SLC12A7: variants seen among roughly 807,000 people sequenced by gnomAD.
The protein encoded by SLC12A7 is K-Cl cotransporter 4.
SLC12A7 carries 100 observed loss-of-function variants against 120.6 expected under a neutral mutation model. The observed-to-expected ratio is 0.83, with a 90% confidence interval of 0.71 to 0.98. The LOEUF (loss-of-function observed/expected upper bound fraction) is 0.98, where lower values mean the gene tolerates loss of function less well. Among genes scored for constraint, SLC12A7 ranks in the 50% least tolerant of loss-of-function variants. The pLI, the probability that SLC12A7 is intolerant of heterozygous loss-of-function variation, is 0.00. For missense variants in SLC12A7, 1,373 were observed against 1,548.1 expected (o/e 0.89, Z 1.90); for synonymous variants, 760 against 678.0 (o/e 1.12, Z -1.88).
chr5:1,063,806 T>C (rs1294176875), intron 20 of SLC12A7, 38 bp downstream of exon 20: 6 of 101,712 alleles, frequency 5.9e-5, no homozygotes, highest in South Asian at 4.0e-4. Context: ...CCTCCCCACC[T>C]CCCCCCGGCC....
Position 1,060,792 on chromosome 5 carries a change from C to T in SLC12A7, c.2740-341G>A, listed in dbSNP as rs114431205. Among the ~76,000 whole-genome samples, 987 of 152,330 alleles carry T rather than the reference C, an allele frequency of 6.5e-3. 14 individuals carry two copies. The highest frequency in any genetic ancestry group is 0.022 in the African/African-American group (927 of 41,574). ...CTGCCCCATGGGGCTGCATGATCCACGCTCACAGGTGTCATTGTCTATGCT... is the reference window on the plus strand; with the variant it reads ...CTGCCCCATGGGGCTGCATGATCCATGCTCACAGGTGTCATTGTCTATGCT... On this transcript the variant is annotated intron_variant, in intron 20 of 23. Coordinates refer to ENST00000264930, the MANE Select transcript of SLC12A7 (RefSeq NM_006598.3).
At chr5:1,103,851 G>T (rs924253657) in intron 1 of SLC12A7, among the ~76,000 whole-genome samples, 1 of 152,220 alleles carries the variant, frequency 6.6e-6, no homozygotes, top group African/African-American at 2.4e-5. Context: ...CCTCTGTCAC[G>T]TGGCTGTTTG....
chr5:1,060,264 G>A lies in SLC12A7; in HGVS notation c.2847+80C>T, dbSNP rs35661060. 0.46 allele frequency: 494,825 copies of A among 1,084,218 alleles called. 116,929 individuals are homozygous for A. Among genetic ancestry groups the A allele is most frequent in the Non-Finnish European group, 0.49 (350,488 of 708,494 alleles). 67.2% of individuals were successfully genotyped at this position (1,084,218 alleles called of 1,614,324 possible). ...CTCTGGAGGACCCTCGTGGGCTGCA[G>A]GAGGGTCCCAGAAAAGACTCGGCGA... On this transcript the variant is annotated intron_variant, in intron 21 of 23. Transcript: ENST00000264930.
intron 17 of SLC12A7, among the ~76,000 whole-genome samples, chr5:1,066,372 C>G (rs941511833): frequency 6.6e-6 from 1 of 152,182 alleles, no homozygotes; most frequent in Admixed American, 6.5e-5. Context: ...GATTTGGGAG[C>G]TCCGAGCAAT....
Position 1,073,273 on chromosome 5 carries a change from C to G in SLC12A7, c.2241+360G>C, listed in dbSNP as rs565595808. On this transcript the variant is annotated intron_variant, in intron 17 of 23. Coordinates refer to ENST00000264930, the MANE Select transcript of SLC12A7 (RefSeq NM_006598.3). ...ACACTTATGCAGCCCCCAGTGAGCC[C>G]CCAGCACACGGGCATCACACTTATG... is the stretch of plus-strand genomic sequence containing the variant. Among the ~76,000 whole-genome samples, 52 of 136,894 alleles carry G rather than the reference C, an allele frequency of 3.8e-4. 3 individuals are homozygous for G. The highest frequency in any genetic ancestry group is 1.5e-3 in the African/African-American group (45 of 30,012). The allele number at this position is 136,894 out of a possible 152,430, so 89.8% of individuals were successfully genotyped here. A position where few individuals can be genotyped will look rare whatever the true frequency, so the allele number is the denominator to read the frequency against.
chr5:1,081,755 A>C lies in SLC12A7; in HGVS notation c.1130-11T>G. The C allele has an allele frequency of 6.2e-7, 1 of 1,607,120 alleles. No homozygotes were observed. Among genetic ancestry groups the C allele is most frequent in the Non-Finnish European group, 8.5e-7 (1 of 1,175,422 alleles). On this transcript the variant is annotated splice_polypyrimidine_tract_variant and intron_variant, in intron 8 of 23. Coordinates refer to ENST00000264930, the MANE Select transcript of SLC12A7 (RefSeq NM_006598.3). The stretch of plus-strand genomic sequence containing the variant: ...TACTCCACAGGTTCTCTGCCGGGCA[A>C]GGAAGATCCCATGGGTTTCTGGCAC...
the SLC12A7 span, among the ~76,000 whole-genome samples, chr5:1,129,007 C>T: frequency 3.0e-4 from 46 of 152,336 alleles, no homozygotes; most frequent in African/African-American, 3.8e-4. Context: ...CAAGCATACC[C>T]CGCTGCCCCT....
the SLC12A7 span, among the ~76,000 whole-genome samples, chr5:1,140,395 C>G: frequency 3.9e-5 from 6 of 152,342 alleles, no homozygotes; most frequent in East Asian, 5.8e-4. Context: ...TCTGTTCCCC[C>G]CCACCGGGTC....
At chr5:1,069,737 G>A (rs1737449414) in intron 17 of SLC12A7, among the ~76,000 whole-genome samples, 1 of 152,182 alleles carries the variant, frequency 6.6e-6, no homozygotes, top group Admixed American at 6.5e-5. Context: ...GACGTGACGT[G>A]ACGTGATGGG....
intron 2 of SLC12A7, 37 bp from the exon 3 acceptor site, chr5:1,093,692 C>G (rs775433947): frequency 6.2e-7 from 1 of 1,606,926 alleles, no homozygotes; most frequent in Non-Finnish European, 8.5e-7. Flanking sequence ...CGGCCCGCAC[C>G]TCGCCGTGGG....
chr5:1,063,411 C>T (rs543039040), intron 20 of SLC12A7, among the ~76,000 whole-genome samples: 8 of 152,258 alleles, frequency 5.3e-5, no homozygotes, highest in South Asian at 2.1e-4. Context: ...GGTCCCGGGC[C>T]GAGGAGGACA....
intron 21 of SLC12A7, among the ~76,000 whole-genome samples, chr5:1,058,796 C>T (rs1299205092): frequency 6.6e-6 from 1 of 152,184 alleles, no homozygotes; most frequent in African/African-American, 2.4e-5. Flanking sequence ...GGGCTGCCCG[C>T]TCTCGGCAGA....
chr5:1,056,307 C>A (rs1205826167), intron 22 of SLC12A7, among the ~76,000 whole-genome samples: 3 of 152,224 alleles, frequency 2.0e-5, no homozygotes, highest in African/African-American at 7.2e-5. Context: ...GCTCGGACAC[C>A]TCCCAGGTCT....
Position 1,057,824 on chromosome 5 carries a change from C to T in SLC12A7, c.2848-175G>A, listed in dbSNP as rs192108180. On this transcript the variant is annotated intron_variant, in intron 21 of 23. Coordinates refer to ENST00000264930, the MANE Select transcript of SLC12A7 (RefSeq NM_006598.3). ...TGGTCCTGCGCCGCCCCCGTGACTG[C>T]CTCCCTCCTCCCAGGCTTCCCGACC... Among the ~76,000 whole-genome samples, 1,121 of 152,270 alleles carry T rather than the reference C, an allele frequency of 7.4e-3. 13 individuals carry two copies. The highest frequency in any genetic ancestry group is 0.026 in the African/African-American group (1,062 of 41,552).
In SLC12A7 at chr5:1,073,785, TC is replaced by T; in HGVS notation, c.2088del (p.Met697CysfsTer2). The T allele has an allele frequency of 6.9e-7, 1 of 1,444,350 alleles. No homozygotes were observed. The highest frequency in any genetic ancestry group is 9.1e-7 in the Non-Finnish European group (1 of 1,093,188). The allele number at this position is 1,444,350 out of a possible 1,614,324, so 89.5% of individuals were successfully genotyped here. A position where few individuals can be genotyped will look rare whatever the true frequency, so the allele number is the denominator to read the frequency against. On this transcript the variant is annotated frameshift_variant, in exon 17 of 24. Transcript: ENST00000264930. LOFTEE classifies it high-confidence loss of function. Reference protein sequence around the residue: ...HTKNWRPQVLVMLNLDAEQAV... With the variant: ...HTKNWRPQVLXMLNLDAEQAV... ...GCCTGCTCCGCGTCCAGGTTCAGCA[TC>T]ACCAGCACCTGGGGCCTGCAGCCAG...
At chr5:1,086,593 A>G (rs1739880640) in intron 6 of SLC12A7, among the ~76,000 whole-genome samples, 1 of 152,224 alleles carries the variant, frequency 6.6e-6, no homozygotes, top group Non-Finnish European at 1.5e-5. Context: ...CCTGCTCCTA[A>G]AACAGCTCCG....
the SLC12A7 span, among the ~76,000 whole-genome samples, chr5:1,145,885 A>G: frequency 6.6e-6 from 1 of 151,996 alleles, no homozygotes; most frequent in African/African-American, 2.4e-5. This position sits in a 1 kb window ranked among gnomAD's most constrained non-coding sequence, Gnocchi z 4.4. Flanking sequence ...ACATTTTACC[A>G]TTTTTACCAT....
At chr5:1,105,375 G>T (rs1469046386) in intron 1 of SLC12A7, among the ~76,000 whole-genome samples, 4 of 147,508 alleles carry the variant, frequency 2.7e-5, no homozygotes, top group Non-Finnish European at 6.1e-5. Context: ...CTGCAGGGAT[G>T]AGGTCCTGCA....
chr5:1,110,457 A>G (rs1742911798), intron 1 of SLC12A7, among the ~76,000 whole-genome samples: 1 of 152,248 alleles, frequency 6.6e-6, no homozygotes, highest in East Asian at 1.9e-4. Flanking sequence ...CCTTGAGAGT[A>G]GAAGAGACAA....
Sources: allele counts gnomAD v4.1 joint callset (sites outside exome capture counted in the v4.1 genomes callset), GRCh38; gene constraint gnomAD v4.1.1; non-coding constraint Gnocchi (gnomAD v3.1); transcripts MANE v1.5; gene names NCBI Gene and HGNC (gene_info 2026-07-23, HGNC 2026-07-21).